CCSER2: variants seen among roughly 807,000 people sequenced by gnomAD.
CCSER2 encodes coiled-coil serine rich protein 2.
A neutral mutation model predicts 92.3 loss-of-function variants in CCSER2; 46 were observed. The ratio of observed to expected loss-of-function variants is 0.50; its 90% CI spans 0.39 to 0.64. CCSER2 has a LOEUF of 0.64. Ranked by LOEUF, CCSER2 falls within the 30% of genes least tolerant of loss-of-function variation. CCSER2 has a pLI of 0.00. For missense variants in CCSER2, 1,244 were observed against 1,238.9 expected (o/e 1.00, Z -0.06); for synonymous variants, 433 against 431.4 (o/e 1.00, Z -0.04).
At chr10:84,450,223 T>A (rs1845191022) in intron 6 of CCSER2, among the ~76,000 whole-genome samples, 1 of 152,232 alleles carries the variant, frequency 6.6e-6, no homozygotes, top group Admixed American at 6.5e-5. Flanking sequence ...CCCAGTACAT[T>A]GTTCGAAAAC....
In CCSER2 at chr10:84,371,202, C is replaced by T; in HGVS notation, c.150C>T (p.Tyr50=). The change falls in exon 2 of 10, where the codon TAC becomes TAT. Residue 50 remains tyrosine, a synonymous_variant. Coordinates refer to ENST00000372088, the MANE Select transcript of CCSER2 (RefSeq NM_001284240.2). ...CCAAGAATAGTAATGTCAAAAGTTA[C>T]ATCAAAAATAATGGCTCTGATTGTC... ...GTSKNSNVKS[Y]IKNNGSDCPS... The T allele has an allele frequency of 6.2e-7, 1 of 1,613,142 alleles. No individual in the cohort carries two copies. The highest frequency in any genetic ancestry group is 8.5e-7 in the Non-Finnish European group (1 of 1,179,624).
At chr10:84,485,233 TCTGTGCCATTTTATAACTTGTGTAGTAA>T (rs1316300475) in intron 9 of CCSER2, among the ~76,000 whole-genome samples, 10 of 152,208 alleles carry the variant, frequency 6.6e-5, no homozygotes, top group African/African-American at 2.4e-5. Context: ...TGTGCACGCT[TCTGTGCCATTTTATAACTTGTGTAGTAA>T]CTGTGCCATT....
intron 6 of CCSER2, among the ~76,000 whole-genome samples, chr10:84,446,714 C>A (rs1203302672): frequency 6.6e-6 from 1 of 152,158 alleles, no homozygotes; most frequent in African/African-American, 2.4e-5. Context: ...CATTAATAAG[C>A]TCCCTGTATG....
chr10:84,425,126 G>A (rs1336533653), intron 4 of CCSER2: 1 of 983,986 alleles, frequency 1.0e-6, no homozygotes, highest in East Asian at 1.1e-4. Context: ...GGAGTGTACT[G>A]TTTGTTGCTG....
At chr10:84,489,567 CTTT>C (rs1309062976) in intron 9 of CCSER2, among the ~76,000 whole-genome samples, 1 of 151,944 alleles carries the variant, frequency 6.6e-6, no homozygotes, top group East Asian at 1.9e-4. Context: ...CAACCCCTAA[CTTT>C]TTTTTGTTTT....
At chr10:84,468,098 CA>C (rs1316065878) in intron 7 of CCSER2, among the ~76,000 whole-genome samples, 1 of 152,144 alleles carries the variant, frequency 6.6e-6, no homozygotes, top group Non-Finnish European at 1.5e-5. Context: ...AATTGCTTCT[CA>C]ACATTAATCA....
At position 84,367,596 on chromosome 10, in the gene CCSER2, C is replaced by A. The variant is rs543873260; in HGVS notation, c.-39-3418C>A. On this transcript the variant is annotated intron_variant, in intron 1 of 9. Transcript: ENST00000372088. ...GTTTTGCCATGTTGTCCAGGCTGGTCTCACACTCCTGGTCTCAAGTGATCA... is the reference window on the plus strand; with the variant it reads ...GTTTTGCCATGTTGTCCAGGCTGGTATCACACTCCTGGTCTCAAGTGATCA... Among the ~76,000 whole-genome samples, 3 of 152,016 alleles carry A rather than the reference C, an allele frequency of 2.0e-5. No homozygotes were observed. In the East Asian group the frequency reaches 5.8e-4, roughly 29 times the overall value.
At chr10:84,506,449 G>A (rs141853502) in intron 9 of CCSER2, among the ~76,000 whole-genome samples, 3 of 152,220 alleles carry the variant, frequency 2.0e-5, no homozygotes, top group Non-Finnish European at 4.4e-5. Flanking sequence ...CTTATAATTT[G>A]CATCATATTC....
intron 1 of CCSER2, among the ~76,000 whole-genome samples, chr10:84,332,412 T>TATATATATATATATATATA (rs1554828779): frequency 2.4e-5 from 2 of 82,272 alleles, no homozygotes; most frequent in African/African-American, 1.2e-4. Context: ...ATTTATTTTT[T>TATATATATATATATATATA]TATATATATA....
At chr10:84,348,007 G>A (rs1272593564) in intron 1 of CCSER2, among the ~76,000 whole-genome samples, 2 of 152,186 alleles carry the variant, frequency 1.3e-5, no homozygotes, top group African/African-American at 2.4e-5. Flanking sequence ...TATCCCAAAC[G>A]ATGGGCGGCC....
chr10:84,381,798 C>T (rs935701158), intron 3 of CCSER2, among the ~76,000 whole-genome samples: 6 of 151,502 alleles, frequency 4.0e-5, no homozygotes, highest in South Asian at 2.1e-4. Flanking sequence ...TGTGGTGGCA[C>T]GTGCCTGTAG....
chr10:84,440,104 G>A (rs1482955345), intron 6 of CCSER2, among the ~76,000 whole-genome samples: 1 of 152,142 alleles, frequency 6.6e-6, no homozygotes, highest in Non-Finnish European at 1.5e-5. Flanking sequence ...GAAAAAAGTA[G>A]CATAATTCAG....
chr10:84,457,382 AAT>A (rs1845789995), intron 6 of CCSER2, among the ~76,000 whole-genome samples: 3 of 94,712 alleles, frequency 3.2e-5, no homozygotes, highest in African/African-American at 1.3e-4. Context: ...ATATATTTTA[AAT>A]ATATATTTAT....
chr10:84,365,852 G>A (rs1218059795), intron 1 of CCSER2, among the ~76,000 whole-genome samples: 1 of 152,112 alleles, frequency 6.6e-6, no homozygotes, highest in African/African-American at 2.4e-5. Context: ...TCTTTAACAT[G>A]TATTATTTAT....
chr10:84,426,793 A>G (rs1843459329), intron 5 of CCSER2, among the ~76,000 whole-genome samples: 1 of 152,234 alleles, frequency 6.6e-6, no homozygotes, highest in Admixed American at 6.5e-5. Context: ...AGCAAAGAAT[A>G]AAATTTGATT....
intron 1 of CCSER2, among the ~76,000 whole-genome samples, chr10:84,329,898 T>C (rs1456276718): frequency 6.6e-6 from 1 of 152,248 alleles, no homozygotes; most frequent in Non-Finnish European, 1.5e-5. Flanking sequence ...TCGTTTGTGT[T>C]CTAAACAACA....
intron 3 of CCSER2, among the ~76,000 whole-genome samples, chr10:84,390,185 C>T (rs1011691713): frequency 6.6e-6 from 1 of 152,110 alleles, no homozygotes; most frequent in Non-Finnish European, 1.5e-5. Context: ...ATCCTAACAC[C>T]ACAGGATTCA....
chr10:84,508,378 G>A (rs558820878), intron 9 of CCSER2, among the ~76,000 whole-genome samples: 1 of 152,074 alleles, frequency 6.6e-6, no homozygotes, highest in Non-Finnish European at 1.5e-5. Context: ...GTTATTATTT[G>A]CAACAATTCC....
chr10:84,477,621 C>G lies in CCSER2; in HGVS notation c.2282C>G (p.Thr761Ser), dbSNP rs1564705612. Residue 761 changes from threonine to serine, a missense_variant, in exon 9 of 10, where the codon ACT (threonine) becomes AGT (serine). Physicochemically the swap from Thr to Ser is moderately conservative, Grantham distance 58 (BLOSUM62 1). Transcript: ENST00000372088. ...CHQKCKEEKC[T>S]YADKYTQTPW... The stretch of plus-strand genomic sequence containing the variant: ...CAAAAATGTAAAGAGGAAAAATGCA[C>G]TTATGCTGATAAATATACCCAAACA... 6.2e-7 allele frequency: 1 copy of G among 1,612,566 alleles called. No homozygotes were observed. Among genetic ancestry groups the G allele is most frequent in the Non-Finnish European group, 8.5e-7 (1 of 1,178,952 alleles).
Sources: allele counts gnomAD v4.1 joint callset (sites outside exome capture counted in the v4.1 genomes callset), GRCh38; gene constraint gnomAD v4.1.1; transcripts MANE v1.5; gene names NCBI Gene and HGNC (gene_info 2026-07-23, HGNC 2026-07-21).